Variants in DMTF1 observed in about 807,000 individuals in gnomAD.
DMTF1 encodes cyclin D binding myb like transcription factor 1, also known as cyclin-D-binding Myb-like transcription factor 1.
In DMTF1, 39 loss-of-function variants were observed where a neutral mutation model predicts 91.1. The ratio of observed to expected loss-of-function variants is 0.43; its 90% CI spans 0.33 to 0.56. The LOEUF is 0.56. DMTF1 is among the 20% of genes least tolerant of loss of function. The probability of loss-of-function intolerance (pLI) is 0.05; values close to 1 mark genes in which losing one functional copy is unlikely to be tolerated. For missense variants in DMTF1, 750 were observed against 914.5 expected (o/e 0.82, Z 2.32); for synonymous variants, 338 against 309.5 (o/e 1.09, Z -0.97).
At chr7:87,161,133 C>T (rs561216143) in intron 1 of DMTF1, among the ~76,000 whole-genome samples, 1 of 152,138 alleles carries the variant, frequency 6.6e-6, no homozygotes, top group East Asian at 1.9e-4. Context: ...AGGTCAGTTT[C>T]TTAAATATTA....
At chr7:87,193,096 C>T in intron 14 of DMTF1, 102 bp from the exon 15 acceptor site, 1 of 1,270,172 alleles carries the variant, frequency 7.9e-7, no homozygotes, top group Non-Finnish European at 1.1e-6. Flanking sequence ...CGCACCTTCA[C>T]AATGGGTAAG....
In DMTF1 at chr7:87,190,969, T is replaced by C; in HGVS notation, c.1436T>C (p.Val479Ala). ...HVSSADSPAT[V>A]DSETITLNSG... ...GCTTCAGCAGACTCTCCTGCTACCG[T>C]TGACTCAGAAACAATAACACTAAAC... Residue 479 changes from valine to alanine, a missense_variant, in exon 14 of 18, where the codon GTT becomes GCT. Val to Ala is a moderately conservative substitution (Grantham distance 64, BLOSUM62 0). Transcript: ENST00000331242. The C allele has an allele frequency of 1.2e-6, 2 of 1,610,908 alleles. No individual in the cohort carries two copies. The highest frequency in any genetic ancestry group is 1.7e-6 in the Non-Finnish European group (2 of 1,178,202).
At chr7:87,192,425 CTT>C (rs1800063479) in intron 14 of DMTF1, 1 of 152,060 alleles carries the variant, frequency 6.6e-6, no homozygotes. Flanking sequence ...ATCCCAAACA[CTT>C]TCCATGAGAA....
chr7:87,166,402 A>T, intron 3 of DMTF1, 81 bp from the exon 4 acceptor site: 5 of 1,443,912 alleles, frequency 3.5e-6, no homozygotes, highest in Non-Finnish European at 4.7e-6. Flanking sequence ...TTAATAGATA[A>T]GAAAATTGTA....
chr7:87,179,057 A>T (rs1796831931), intron 7 of DMTF1, among the ~76,000 whole-genome samples: 1 of 151,972 alleles, frequency 6.6e-6, no homozygotes, highest in Non-Finnish European at 1.5e-5. Context: ...TTAATGGTCT[A>T]ATCTCTGCAG....
At chr7:87,189,957 T>C (rs997316299) in intron 13 of DMTF1, among the ~76,000 whole-genome samples, 17 of 152,120 alleles carry the variant, frequency 1.1e-4, no homozygotes, top group African/African-American at 3.9e-4. Context: ...GCATTTCTAT[T>C]GGTAAGGGCA....
At chr7:87,155,575 G>A (rs185664682) in intron 1 of DMTF1, 93 of 152,238 alleles carry the variant, frequency 6.1e-4, no homozygotes, top group African/African-American at 2.1e-3. Context: ...TGTATGTGGC[G>A]TTTGTTTACT....
intron 4 of DMTF1, among the ~76,000 whole-genome samples, chr7:87,168,122 T>C (rs1794249045): frequency 6.6e-6 from 1 of 152,228 alleles, no homozygotes; most frequent in Non-Finnish European, 1.5e-5. Context: ...ACTGAAGCCT[T>C]ATGTTTAGCA....
At chr7:87,178,975 G>A (rs1796818256) in intron 7 of DMTF1, among the ~76,000 whole-genome samples, 1 of 151,714 alleles carries the variant, frequency 6.6e-6, no homozygotes, top group Admixed American at 6.6e-5. Context: ...GTAAGTTGAT[G>A]TTTGATGTCT....
chr7:87,159,819 A>G (rs1429296763), intron 1 of DMTF1, among the ~76,000 whole-genome samples: 1 of 152,258 alleles, frequency 6.6e-6, no homozygotes, highest in Non-Finnish European at 1.5e-5. Flanking sequence ...TGTTAACACA[A>G]TGGCAAGTAT....
At chr7:87,184,310 C>A in intron 10 of DMTF1, 87 bp from the exon 11 acceptor site, 1 of 1,250,812 alleles carries the variant, frequency 8.0e-7, no homozygotes, top group Non-Finnish European at 1.1e-6. Flanking sequence ...CTATTGCTTA[C>A]TTCCTATCAG....
At chr7:87,186,574 G>C (rs1174864932) in intron 12 of DMTF1, 1 of 152,380 alleles carries the variant, frequency 6.6e-6, no homozygotes, top group African/African-American at 2.4e-5. Context: ...GTCAACAACA[G>C]ATGTCATACA....
intron 12 of DMTF1, chr7:87,186,584 A>G (rs1798496802): frequency 6.6e-6 from 1 of 152,380 alleles, no homozygotes; most frequent in South Asian, 2.1e-4. Context: ...GATGTCATAC[A>G]TAGTATTGGT....
At chr7:87,157,966 T>A (rs553807208) in intron 1 of DMTF1, among the ~76,000 whole-genome samples, 1 of 152,238 alleles carries the variant, frequency 6.6e-6, no homozygotes. Context: ...AAAAGTATGT[T>A]TTAAGAAATA....
At chr7:87,170,259 T>C (rs1286267912) in intron 4 of DMTF1, among the ~76,000 whole-genome samples, 1 of 152,216 alleles carries the variant, frequency 6.6e-6, no homozygotes, top group Non-Finnish European at 1.5e-5. Context: ...TTCACCCTAG[T>C]CCAAGCCACT....
At chr7:87,188,650 A>G (rs1347637681) in intron 13 of DMTF1, among the ~76,000 whole-genome samples, 2 of 152,142 alleles carry the variant, frequency 1.3e-5, no homozygotes, top group Non-Finnish European at 2.9e-5. Flanking sequence ...GAATTCACCA[A>G]CTGGTATGTC....
intron 5 of DMTF1, among the ~76,000 whole-genome samples, chr7:87,172,264 T>C (rs529206176): frequency 4.4e-4 from 67 of 152,292 alleles, no homozygotes; most frequent in Admixed American, 2.9e-3. Context: ...TTTATACAGG[T>C]CCCTCTTGAT....
At chr7:87,156,555 A>G (rs1372969103) in intron 1 of DMTF1, among the ~76,000 whole-genome samples, 1 of 152,160 alleles carries the variant, frequency 6.6e-6, no homozygotes, top group African/African-American at 2.4e-5. Context: ...ACCATAGTCC[A>G]AAACATTCTT....
chr7:87,174,257 T>C (rs941404165), intron 6 of DMTF1, among the ~76,000 whole-genome samples: 1 of 152,212 alleles, frequency 6.6e-6, no homozygotes, highest in Non-Finnish European at 1.5e-5. Context: ...ACTGGAGAAA[T>C]TTTTCAAAAA....
Sources: gnomAD v4.1 joint callset for allele counts (sites outside exome capture counted in the v4.1 genomes callset) on GRCh38, gnomAD v4.1.1 for gene constraint, MANE v1.5 for transcripts, NCBI Gene and HGNC (gene_info 2026-07-23, HGNC 2026-07-21) for gene names.